The following CYFIP2 variants were observed in gnomAD, a reference collection of about 807,000 sequenced individuals.
CYFIP2 encodes the protein cytoplasmic FMR1 interacting protein 2.
A neutral mutation model predicts 158.7 loss-of-function variants in CYFIP2; 29 were observed. That is an observed-to-expected ratio of 0.18 (90% CI 0.14 to 0.25). CYFIP2 has a LOEUF of 0.25. Ranked by LOEUF, CYFIP2 falls within the 10% of genes least tolerant of loss-of-function variation. CYFIP2 has a pLI of 1.00. For synonymous variants in CYFIP2, 585 were observed against 617.6 expected (o/e 0.95, Z 0.78); for missense variants, 852 against 1,639.5 (o/e 0.52, Z 8.29).
intron 28 of CYFIP2, among the ~76,000 whole-genome samples, chr5:157,385,422 G>C (rs1200390837): frequency 6.6e-6 from 1 of 152,174 alleles, no homozygotes; most frequent in Non-Finnish European, 1.5e-5. Context: ...GAGAAGGTTT[G>C]GGCACAGGGT....
intron 3 of CYFIP2, among the ~76,000 whole-genome samples, chr5:157,293,155 A>T (rs1474601050): frequency 6.6e-6 from 1 of 152,098 alleles, no homozygotes; most frequent in African/African-American, 2.4e-5. Context: ...CCCCGAGTTC[A>T]TGCAATTCTC....
Position 157,311,501 on chromosome 5 carries a change from C to T in CYFIP2, c.993-163C>T. 3.2e-6 allele frequency: 2 copies of T among 618,420 alleles called. No homozygotes were observed. 38.3% of individuals were successfully genotyped at this position (618,420 alleles called of 1,614,324 possible). On this transcript the variant is annotated intron_variant, in intron 10 of 30. Coordinates refer to ENST00000620254, the MANE Select transcript of CYFIP2 (RefSeq NM_001037333.3). This position sits in a 1 kb window ranked among gnomAD's most constrained non-coding sequence, Gnocchi z 4.7. The stretch of plus-strand genomic sequence containing the variant: ...TGTTCCATTAGGCCTGAAGCTCCCA[C>T]AGTGTTGGACTTAGCAGGCTTTCTT...
intron 23 of CYFIP2, among the ~76,000 whole-genome samples, chr5:157,356,909 A>C (rs533435618): frequency 1.3e-5 from 2 of 152,120 alleles, no homozygotes; most frequent in South Asian, 4.2e-4. Flanking sequence ...CAAGTCATAC[A>C]CTCCCAGGAT....
intron 7 of CYFIP2, 80 bp from the exon 8 acceptor site, chr5:157,304,158 G>C: frequency 6.6e-7 from 1 of 1,517,950 alleles, no homozygotes; most frequent in South Asian, 1.2e-5. Context: ...ACACCGGCCA[G>C]CTGTAGGGCT....
intron 12 of CYFIP2, 100 bp from the exon 13 acceptor site, chr5:157,314,869 C>T: frequency 7.0e-6 from 7 of 1,002,158 alleles, no homozygotes; most frequent in South Asian, 5.0e-5. Context: ...TACTTTATTC[C>T]TTTTTTCCAG....
chr5:157,274,050 G>A (rs753096671), intron 1 of CYFIP2, among the ~76,000 whole-genome samples: 11 of 149,642 alleles, frequency 7.4e-5, no homozygotes, highest in African/African-American at 2.2e-4. Flanking sequence ...CAGGAGAATC[G>A]TTTGAACCCG....
At chr5:157,332,955 A>G (rs1250463956) in intron 20 of CYFIP2, among the ~76,000 whole-genome samples, 1 of 152,168 alleles carries the variant, frequency 6.6e-6, no homozygotes, top group Admixed American at 6.5e-5. Context: ...TGACCATGAA[A>G]AATTAGGCTT....
Position 157,302,872 on chromosome 5 carries a change from C to T in CYFIP2, c.648C>T (p.Asn216=). Residue 216 remains asparagine (N), a synonymous_variant, in exon 7 of 31, where the codon AAC becomes AAT. Transcript: ENST00000620254. The part of the protein sequence containing the change: ...ESQNLSMFLA[N]HNRITQCLHQ... ...AGAACCTTTCCATGTTCCTGGCCAA[C>T]CACAACAGGATCACCCAGGTGAGGG... 1.3e-6 allele frequency: 2 copies of T among 1,580,860 alleles called. No homozygotes were observed. The highest frequency in any genetic ancestry group is 1.7e-6 in the Non-Finnish European group (2 of 1,162,998).
chr5:157,356,471 A>G (rs1763418034), intron 23 of CYFIP2, among the ~76,000 whole-genome samples: 1 of 152,246 alleles, frequency 6.6e-6, no homozygotes, highest in Non-Finnish European at 1.5e-5. Context: ...CACATGGCAC[A>G]GATCATAATT....
At chr5:157,376,198 A>G (rs1765459736) in intron 26 of CYFIP2, 1 of 152,272 alleles carries the variant, frequency 6.6e-6, no homozygotes, top group South Asian at 2.1e-4. Flanking sequence ...ATTTTATCAA[A>G]TGCCTTTCTC....
chr5:157,386,931 A>T (rs1053957367), intron 28 of CYFIP2, among the ~76,000 whole-genome samples: 2 of 148,970 alleles, frequency 1.3e-5, no homozygotes, highest in African/African-American at 4.9e-5. Flanking sequence ...AAGATTTAAA[A>T]AAAAAAAAAA....
At chr5:157,307,725 G>T in intron 8 of CYFIP2, 36 bp from the exon 9 acceptor site, 2 of 1,363,076 alleles carry the variant, frequency 1.5e-6, no homozygotes, top group South Asian at 2.4e-5. Context: ...CAGCAGATGT[G>T]ATTAGTTTCT....
At chr5:157,348,522 C>G (rs531977313) in intron 23 of CYFIP2, among the ~76,000 whole-genome samples, 1 of 152,324 alleles carries the variant, frequency 6.6e-6, no homozygotes, top group East Asian at 1.9e-4. Context: ...AGTGATTCTC[C>G]TGCCTCAGCC....
intron 13 of CYFIP2, among the ~76,000 whole-genome samples, chr5:157,316,837 G>C (rs1278510029): frequency 6.6e-6 from 1 of 152,134 alleles, no homozygotes; most frequent in Non-Finnish European, 1.5e-5. Flanking sequence ...ACAAATGTAA[G>C]AGATTAGAGT....
chr5:157,331,500 T>A (rs1041487482), intron 20 of CYFIP2, among the ~76,000 whole-genome samples: 3 of 151,668 alleles, frequency 2.0e-5, no homozygotes, highest in Non-Finnish European at 4.4e-5. Context: ...GTGGTCCTGG[T>A]CTTTGTGAAA....
At chr5:157,368,894 G>GTT (rs1175045539) in intron 26 of CYFIP2, among the ~76,000 whole-genome samples, 3 of 109,206 alleles carry the variant, frequency 2.7e-5, no homozygotes, top group Non-Finnish European at 4.0e-5. Context: ...GAGGTTTTTT[G>GTT]TTTTTTTGTT....
chr5:157,305,724 A>G (rs1759161219), intron 8 of CYFIP2, among the ~76,000 whole-genome samples: 1 of 152,226 alleles, frequency 6.6e-6, no homozygotes, highest in Non-Finnish European at 1.5e-5. Flanking sequence ...TATGTTGACC[A>G]GGCTGGTCTT....
chr5:157,326,304 T>C (rs1761016116), intron 18 of CYFIP2, 37 bp downstream of exon 18: 1 of 1,558,868 alleles, frequency 6.4e-7, no homozygotes, highest in South Asian at 1.1e-5. Context: ...CCTTTAATCT[T>C]GTTCCAAATT....
chr5:157,326,342 G>T, intron 18 of CYFIP2, 75 bp downstream of exon 18: 1 of 1,229,908 alleles, frequency 8.1e-7, no homozygotes, highest in Non-Finnish European at 1.2e-6. Context: ...TTTGCTATTA[G>T]CATGAAGTAG....
Sources: allele counts gnomAD v4.1 joint callset (sites outside exome capture counted in the v4.1 genomes callset), GRCh38; gene constraint gnomAD v4.1.1; non-coding constraint Gnocchi (gnomAD v3.1); transcripts MANE v1.5; gene names NCBI Gene and HGNC (gene_info 2026-07-23, HGNC 2026-07-21).